Variants in DCX observed in about 807,000 individuals in gnomAD.
DCX encodes neuronal migration protein doublecortin.
In DCX, 4 loss-of-function variants were observed where a neutral mutation model predicts 20.9. The observed-to-expected ratio is 0.19, with a 90% CI of 0.09 to 0.44. The LOEUF (loss-of-function observed/expected upper bound fraction) is 0.44. DCX is among the 20% of genes least tolerant of loss of function. The pLI, the probability that DCX is intolerant of heterozygous loss-of-function variation, is 0.99. For missense variants in DCX, 133 were observed against 296.9 expected, an observed-to-expected ratio of 0.45 and a Z score of 4.06; for synonymous variants, 103 against 111.4, an observed-to-expected ratio of 0.92 and a Z score of 0.47.
chrX:111,323,641 G>A (rs1243179642), intron 5 of DCX, among the ~76,000 whole-genome samples: 1 of 78,009 alleles, frequency 1.3e-5, no homozygotes, highest in African/African-American at 5.2e-5. Context: ...TTACTGCTGT[G>A]CTCCCCAAAG....
At chrX:111,357,839 A>AT (rs1325406331) in intron 3 of DCX, among the ~76,000 whole-genome samples, 1 of 109,980 alleles carries the variant, frequency 9.1e-6, no homozygotes, top group Non-Finnish European at 1.9e-5. Context: ...TTTTATTTTT[A>AT]TTTTTGCAGA....
intron 3 of DCX, among the ~76,000 whole-genome samples, chrX:111,342,201 CAAAAA>C (rs775762991): frequency 8.3e-5 from 2 of 24,216 alleles, no homozygotes; most frequent in African/African-American, 1.1e-4. Context: ...AAAAGGAAAG[CAAAAA>C]AAAAAAAAAA....
At chrX:111,408,632 GAGAAAGAA>G (rs61699743) in intron 2 of DCX, among the ~76,000 whole-genome samples, 6,979 of 77,898 alleles carry the variant, frequency 0.09, 330 homozygotes, top group Middle Eastern at 0.15. Context: ...AGAAAGAAAA[GAGAAAGAA>G]AGAAAGAAAG....
intron 3 of DCX, among the ~76,000 whole-genome samples, chrX:111,386,759 C>T (rs1343314905): frequency 1.8e-5 from 2 of 111,426 alleles, no homozygotes; most frequent in Non-Finnish European, 3.8e-5. Context: ...TTCACTCCAC[C>T]TTCACTCAGC....
In DCX at chrX:111,300,312, A is replaced by G. The variant is rs1368374242; in HGVS notation, c.*1375T>C. ...CTCAAAAGACTGAAAACTATTTCAA[A>G]TGATCAGTCCTTAGTAAAGAGAAAT... On this transcript the variant is annotated 3_prime_UTR_variant, in exon 7 of 7. Transcript: ENST00000636035. The G allele has an allele frequency of 1.8e-5, 2 of 112,745 alleles. No individual in the cohort carries two copies. Among genetic ancestry groups the G allele is most frequent in the African/African-American group, 6.5e-5 (2 of 30,959 alleles). The allele number at this position is 112,745 out of a possible 1,213,427, so 9.3% of individuals were successfully genotyped here. A position where few individuals can be genotyped will look rare whatever the true frequency, so the allele number is the denominator to read the frequency against.
At chrX:111,384,607 C>G (rs144457155) in intron 3 of DCX, among the ~76,000 whole-genome samples, 2 of 111,657 alleles carry the variant, frequency 1.8e-5, no homozygotes, top group East Asian at 5.7e-4. Flanking sequence ...GGATGCATTG[C>G]GGTTTAATGA....
chrX:111,354,486 G>C (rs759695553), intron 3 of DCX, among the ~76,000 whole-genome samples: 1 of 111,935 alleles, frequency 8.9e-6, no homozygotes, highest in Non-Finnish European at 1.9e-5. Flanking sequence ...CCCTCAAAGA[G>C]ACAAAGAGAC....
At chrX:111,409,507 T>C (rs1928524344) in intron 2 of DCX, among the ~76,000 whole-genome samples, 1 of 112,040 alleles carries the variant, frequency 8.9e-6, no homozygotes, top group South Asian at 3.8e-4. Flanking sequence ...TAAAGTAGGC[T>C]TTTTAGAAGC....
At chrX:111,331,604 C>T (rs1316702837) in intron 4 of DCX, among the ~76,000 whole-genome samples, 7 of 112,038 alleles carry the variant, frequency 6.2e-5, no homozygotes, top group African/African-American at 2.3e-4. Context: ...TATGTTATTG[C>T]CATCCCTTAT....
intron 6 of DCX, 39 bp from the exon 7 acceptor site, chrX:111,301,782 T>G (rs938997608): frequency 8.8e-7 from 1 of 1,139,415 alleles, no homozygotes; most frequent in Admixed American, 2.2e-5. Flanking sequence ...TTTCCTTTTC[T>G]TGATATCTTG....
chrX:111,408,831 C>T, intron 2 of DCX, among the ~76,000 whole-genome samples: 1 of 111,747 alleles, frequency 8.9e-6, no homozygotes, highest in Non-Finnish European at 1.9e-5. Flanking sequence ...GTGTCTTGTA[C>T]AAAGGAAACC....
chrX:111,354,337 C>A lies in DCX; in HGVS notation c.706-21184G>T, dbSNP rs141712269. 7.3e-4 allele frequency among the ~76,000 whole-genome samples: 82 copies of A among 111,712 alleles called. 2 individuals are homozygous for A. In the East Asian group the frequency reaches 0.02, roughly 27 times the overall value. ...GTAAACCATCTTTAGAATTCTGTCT[C>A]TATCTCCCTATAGTTCATCTTCCCA... On this transcript the variant is annotated intron_variant, in intron 3 of 6. Transcript: ENST00000636035.
intron 3 of DCX, among the ~76,000 whole-genome samples, chrX:111,343,174 T>A (rs1603417077): frequency 1.0e-5 from 1 of 96,691 alleles, no homozygotes. Flanking sequence ...GATAAACAGC[T>A]AGCTAGCCTA....
chrX:111,343,199 GAGA>G (rs1353085806), intron 3 of DCX, among the ~76,000 whole-genome samples: 1 of 102,975 alleles, frequency 9.7e-6, no homozygotes, highest in African/African-American at 3.5e-5. Context: ...AAAGAAAAGA[GAGA>G]AGAACAAAAT....
intron 3 of DCX, among the ~76,000 whole-genome samples, chrX:111,381,022 G>A (rs2147233189): frequency 9.0e-6 from 1 of 110,804 alleles, no homozygotes; most frequent in Non-Finnish European, 1.9e-5. Context: ...ATAGAGCTAT[G>A]ACTAAAACCC....
chrX:111,383,482 G>C (rs899821131), intron 3 of DCX, among the ~76,000 whole-genome samples: 8 of 111,653 alleles, frequency 7.2e-5, no homozygotes, highest in African/African-American at 2.6e-4. Context: ...TGACAGAGCG[G>C]ATGCTTTGCC....
intron 6 of DCX, among the ~76,000 whole-genome samples, chrX:111,308,940 A>G (rs1022701825): frequency 1.8e-5 from 2 of 109,388 alleles, no homozygotes; most frequent in Non-Finnish European, 3.8e-5. Context: ...GTTGAATCAC[A>G]CTGGGACTGT....
intron 5 of DCX, among the ~76,000 whole-genome samples, chrX:111,314,762 C>T (rs2095065699): frequency 8.9e-6 from 1 of 111,899 alleles, no homozygotes; most frequent in Non-Finnish European, 1.9e-5. Flanking sequence ...ATTCCCATAA[C>T]AACACATAGG....
At chrX:111,410,673 T>C (rs1378868049) in intron 1 of DCX, 19 of 1,024,004 alleles carry the variant, frequency 1.9e-5, no homozygotes, top group East Asian at 9.2e-5. Context: ...GAGTAAGAGA[T>C]AGAGAGGGAG....
Sources: allele counts gnomAD v4.1 joint callset (sites outside exome capture counted in the v4.1 genomes callset), GRCh38; gene constraint gnomAD v4.1.1; transcripts MANE v1.5; gene names NCBI Gene and HGNC (gene_info 2026-07-23, HGNC 2026-07-21).